SPATA7: variants seen among roughly 807,000 people sequenced by gnomAD.
SPATA7 encodes the protein spermatogenesis-associated protein 7.
SPATA7 carries 43 observed loss-of-function variants against 51.8 expected under a neutral mutation model. That is an observed-to-expected ratio of 0.83 (90% confidence interval 0.65 to 1.07). The LOEUF (loss-of-function observed/expected upper bound fraction) is 1.07, where lower values mean the gene tolerates loss of function less well. SPATA7 is among the 50% of genes least tolerant of loss of function. The pLI, the probability that SPATA7 is intolerant of heterozygous loss-of-function variation, is 0.00. For missense variants in SPATA7, 683 were observed against 701.3 expected, an observed-to-expected ratio of 0.97 and a Z score of 0.30; for synonymous variants, 230 against 252.8, an observed-to-expected ratio of 0.91 and a Z score of 0.86.
downstream of SPATA7, among the ~76,000 whole-genome samples, chr14:88,442,787 G>A (rs28767795): frequency 0.012 from 1,759 of 151,990 alleles, 38 homozygotes; most frequent in African/African-American, 0.04. Context: ...TTGGTATTAG[G>A]GTGATCATGG....
intron 4 of SPATA7, among the ~76,000 whole-genome samples, chr14:88,413,305 A>G (rs2076391061): frequency 6.6e-6 from 1 of 151,954 alleles, no homozygotes; most frequent in South Asian, 2.1e-4. Flanking sequence ...GTGTGTGTGT[A>G]ACTATTGTAA....
At chr14:88,448,219 C>G (rs889575000) in intron 3 of SPATA7, among the ~76,000 whole-genome samples, 51 of 152,274 alleles carry the variant, frequency 3.3e-4, no homozygotes, top group African/African-American at 1.2e-3. Context: ...TCCCTTCCCG[C>G]TTCATTTCAT....
intron 4 of SPATA7, among the ~76,000 whole-genome samples, chr14:88,408,454 T>C (rs1051093975): frequency 5.3e-5 from 8 of 152,228 alleles, no homozygotes; most frequent in African/African-American, 1.9e-4. Flanking sequence ...TGCACATTGA[T>C]TTTGTATCCT....
intron 3 of SPATA7, among the ~76,000 whole-genome samples, chr14:88,449,733 A>T (rs1280609200): frequency 6.6e-6 from 1 of 152,054 alleles, no homozygotes; most frequent in Non-Finnish European, 1.5e-5. Flanking sequence ...GTCTAGTAGT[A>T]ATTGTTTTGT....
At chr14:88,415,269 A>G in intron 4 of SPATA7, 1 of 356,026 alleles carries the variant, frequency 2.8e-6, no homozygotes, top group South Asian at 2.3e-5. Context: ...TAGGATAGGT[A>G]AGTCTTGTGG....
intron 4 of SPATA7, among the ~76,000 whole-genome samples, chr14:88,464,756 C>CA (rs1168201095): frequency 2.0e-5 from 3 of 150,122 alleles, no homozygotes; most frequent in Non-Finnish European, 4.4e-5. Flanking sequence ...GTCTTATTTA[C>CA]AATAATTTCC....
Position 88,394,636 on chromosome 14 carries a change from C to T in SPATA7, c.190+1148C>T, listed in dbSNP as rs545529851. Among the ~76,000 whole-genome samples the T allele has an allele frequency of 2.4e-4, 36 of 152,162 alleles. 1 individual carries two copies. In the South Asian group the frequency reaches 7.0e-3, roughly 30 times the overall value. On this transcript the variant is annotated intron_variant, in intron 3 of 11. Transcript: ENST00000393545. ...TATAAACATTCACATATAATTTTGG[C>T]GCATGTGTTTACGTTTCACTCGGGT...
intron 10 of SPATA7, among the ~76,000 whole-genome samples, chr14:88,435,931 T>C (rs764519846): frequency 2.0e-5 from 3 of 152,194 alleles, no homozygotes; most frequent in Non-Finnish European, 4.4e-5. Flanking sequence ...TACTTCCTTT[T>C]GGGATTGCTG....
exon 4 of SPATA7, chr14:88,455,064 C>T (rs2077275585): frequency 2.2e-6 from 1 of 455,636 alleles, no homozygotes; most frequent in African/African-American, 2.0e-5. Context: ...TAACAGATTC[C>T]AGATGCTGCT....
In SPATA7 at chr14:88,385,846, C is replaced by G; in HGVS notation, c.19+9C>G. The G allele has an allele frequency of 6.2e-7, 1 of 1,601,014 alleles. No individual in the cohort carries two copies. The highest frequency in any genetic ancestry group is 8.5e-7 in the Non-Finnish European group (1 of 1,174,602). ...GGATGGCAGCCGGAGAGGTAAAGGGCAGCTGTCAGGGGCTACCGCCGCCTC... is the reference window on the plus strand; with the variant it reads ...GGATGGCAGCCGGAGAGGTAAAGGGGAGCTGTCAGGGGCTACCGCCGCCTC... On this transcript the variant is annotated intron_variant, in intron 1 of 11. Transcript: ENST00000393545.
rs779227821 is a variant in SPATA7, at chr14:88,426,487, T to A, written c.628T>A (p.Ser210Thr). 1 of 1,614,006 alleles carries A rather than the reference T, an allele frequency of 6.2e-7. No individual in the cohort carries two copies. Among genetic ancestry groups the A allele is most frequent in the Non-Finnish European group, 8.5e-7 (1 of 1,180,032 alleles). Residue 210 changes from serine to threonine, a missense_variant, in exon 6 of 12, where the codon TCC becomes ACC. Ser to Thr is a moderately conservative substitution (Grantham distance 58). Coordinates refer to ENST00000393545, the MANE Select transcript of SPATA7 (RefSeq NM_018418.5). Reference protein sequence around the residue: ...GRRPRSTFPNSHRFQLVISKA... With the variant: ...GRRPRSTFPNTHRFQLVISKA... ...AAGGCCCAGAAGCACATTCCCAAATTCCCACCGGTTTCAGTTAGTCATTTC... is the reference window on the plus strand; with the variant it reads ...AAGGCCCAGAAGCACATTCCCAAATACCCACCGGTTTCAGTTAGTCATTTC...
intron 3 of SPATA7, among the ~76,000 whole-genome samples, chr14:88,451,871 G>A (rs1340633967): frequency 6.6e-6 from 1 of 151,984 alleles, no homozygotes; most frequent in Admixed American, 6.6e-5. Flanking sequence ...ACCTTTCTCT[G>A]GTGCCTCCTT....
In SPATA7 at chr14:88,389,247, C is replaced by T. The variant is rs147946034; in HGVS notation, c.20-2134C>T. The stretch of plus-strand genomic sequence containing the variant: ...CCTTTCTCTTTCTTTTTTCTTTTTT[C>T]GAGACAGGGTCTTATTCTGTTACCC... On this transcript the variant is annotated intron_variant, in intron 1 of 11. Coordinates refer to ENST00000393545, the MANE Select transcript of SPATA7 (RefSeq NM_018418.5). 2.7e-3 allele frequency among the ~76,000 whole-genome samples: 399 copies of T among 147,872 alleles called. 2 individuals carry two copies. Among genetic ancestry groups the T allele is most frequent in the African/African-American group, 9.5e-3 (384 of 40,222 alleles).
At chr14:88,409,042 TAGTC>T (rs767374690) in intron 4 of SPATA7, among the ~76,000 whole-genome samples, 11 of 152,226 alleles carry the variant, frequency 7.2e-5, no homozygotes, top group Non-Finnish European at 1.6e-4. Context: ...ACATCAATGT[TAGTC>T]AGGAATATTG....
chr14:88,405,506 AAAT>A (rs1292030426), intron 4 of SPATA7, among the ~76,000 whole-genome samples: 16 of 152,204 alleles, frequency 1.1e-4, no homozygotes, highest in Admixed American at 9.8e-4. Flanking sequence ...AGAGAGATTG[AAAT>A]AATCAGATTC....
At chr14:88,399,755 A>G (rs962911390) in intron 4 of SPATA7, among the ~76,000 whole-genome samples, 3 of 152,200 alleles carry the variant, frequency 2.0e-5, no homozygotes, top group African/African-American at 7.2e-5. Flanking sequence ...CAGCCATTAT[A>G]TAATTTTTAA....
At position 88,426,659 on chromosome 14, in the gene SPATA7, A is replaced by G. The variant is rs1403248330; in HGVS notation, c.800A>G (p.Asp267Gly). 4 of 1,613,838 alleles carry G rather than the reference A, an allele frequency of 2.5e-6. No individual in the cohort carries two copies. The Admixed American group carries it at 5.0e-5, about 20-fold the overall frequency. The change falls in exon 6 of 12, where the codon GAT becomes GGT. Residue 267 changes from aspartate (D) to glycine (G), a missense_variant. Physicochemically the swap from Asp to Gly is moderately conservative, Grantham distance 94. Coordinates refer to ENST00000393545, the MANE Select transcript of SPATA7 (RefSeq NM_018418.5). ...TATACACCTGCCAAAAGAAAAAAGGATTTTACAGATCAACGGATAGAAGCT... is the reference window on the plus strand; with the variant it reads ...TATACACCTGCCAAAAGAAAAAAGGGTTTTACAGATCAACGGATAGAAGCT... ...RYYTPAKRKK[D>G]FTDQRIEAET...
At position 88,416,733 on chromosome 14, in the gene SPATA7, G is replaced by A. The variant is rs1288865486; in HGVS notation, c.261G>A (p.Glu87=). 6.2e-7 allele frequency: 1 copy of A among 1,613,220 alleles called. No homozygotes were observed. The highest frequency in any genetic ancestry group is 8.5e-7 in the Non-Finnish European group (1 of 1,179,632). The change falls in exon 5 of 12, where the codon GAG becomes GAA. Residue 87 remains glutamate (E), a synonymous_variant. Coordinates refer to ENST00000393545, the MANE Select transcript of SPATA7 (RefSeq NM_018418.5). ...TAGATGCAGACCAACAACGAAGAGAGAAACTCAAAAAGGAATTAGCACAAT... is the reference window on the plus strand; with the variant it reads ...TAGATGCAGACCAACAACGAAGAGAAAAACTCAAAAAGGAATTAGCACAAT... ...SIKYADQQRR[E]KLKKELAQCE...
chr14:88,398,604 A>G (rs1219505418), intron 4 of SPATA7, among the ~76,000 whole-genome samples: 1 of 149,128 alleles, frequency 6.7e-6, no homozygotes, highest in Non-Finnish European at 1.5e-5. Context: ...CAATGTGCAC[A>G]TGTACCCTAA....
Sources: allele counts gnomAD v4.1 joint callset (sites outside exome capture counted in the v4.1 genomes callset), GRCh38; gene constraint gnomAD v4.1.1; transcripts MANE v1.5; gene names NCBI Gene and HGNC (gene_info 2026-07-23, HGNC 2026-07-21).